DCT: variants seen among roughly 807,000 people sequenced by gnomAD.
DCT encodes dopachrome tautomerase.
Under a neutral mutation model 53.0 loss-of-function variants are expected in DCT, and 47 were observed. The observed-to-expected ratio is 0.89, with a 90% confidence interval of 0.70 to 1.13. DCT has a LOEUF of 1.13. Among genes scored for constraint, DCT ranks in the 50% most tolerant of loss-of-function variants. The pLI is 0.00. For missense variants in DCT, 669 were observed against 637.4 expected (o/e 1.05, Z -0.53); for synonymous variants, 244 against 237.0 (o/e 1.03, Z -0.27).
chr13:94,455,731 C>T (rs1413433033), intron 6 of DCT, among the ~76,000 whole-genome samples: 1 of 152,172 alleles, frequency 6.6e-6, no homozygotes, highest in African/African-American at 2.4e-5. Flanking sequence ...TACGGTTTAG[C>T]AATCCTGGAG....
At chr13:94,512,743 TACAC>T in the DCT span, among the ~76,000 whole-genome samples, 1 of 151,366 alleles carries the variant, frequency 6.6e-6, no homozygotes, top group African/African-American at 2.4e-5. Flanking sequence ...CATATATACA[TACAC>T]ACACACACAC....
Position 94,443,656 on chromosome 13 carries a change from C to A in DCT, c.1180-19G>T, listed in dbSNP as rs757191000. 4 of 1,583,480 alleles carry A rather than the reference C, an allele frequency of 2.5e-6. No homozygotes were observed. The highest frequency in any genetic ancestry group is 3.5e-6 in the Non-Finnish European group (4 of 1,154,066). ...GAAGAACCTGCAAAACAGTTGGACA[C>A]AGCATTTAACATAAATCAGTCTGTT... On this transcript the variant is annotated intron_variant, in intron 6 of 7. Coordinates refer to ENST00000377028, the MANE Select transcript of DCT (RefSeq NM_001922.5).
At chr13:94,492,566 G>A in the DCT span, among the ~76,000 whole-genome samples, 1 of 152,188 alleles carries the variant, frequency 6.6e-6, no homozygotes, top group Non-Finnish European at 1.5e-5. Flanking sequence ...GATAGACCAT[G>A]ACTATTACTT....
chr13:94,445,763 T>C lies in DCT; in HGVS notation c.1180-2126A>G, dbSNP rs1431760057. 4 of 1,575,024 alleles carry C rather than the reference T, an allele frequency of 2.5e-6. No individual in the cohort carries two copies. In the South Asian group the frequency reaches 4.7e-5, roughly 18 times the overall value. On this transcript the variant is annotated intron_variant, in intron 6 of 7. Coordinates refer to ENST00000377028, the MANE Select transcript of DCT (RefSeq NM_001922.5). Reference sequence around the variant, plus strand: ...AGTTCCTTGGTCGCTTTCTCTTTTCTGTTGAGACACAAAATTTAATAGAAA... The same window carrying C: ...AGTTCCTTGGTCGCTTTCTCTTTTCCGTTGAGACACAAAATTTAATAGAAA...
intron 1 of DCT, among the ~76,000 whole-genome samples, chr13:94,469,340 G>A (rs1051223683): frequency 2.0e-5 from 3 of 152,216 alleles, no homozygotes; most frequent in Non-Finnish European, 4.4e-5. Flanking sequence ...TACCTCGTAT[G>A]TGACTATATT....
At chr13:94,523,872 A>AT in the DCT span, among the ~76,000 whole-genome samples, 135 of 149,336 alleles carry the variant, frequency 9.0e-4, no homozygotes, top group Admixed American at 2.5e-3. Flanking sequence ...TGAGGACTCC[A>AT]TTTTTTTTTT....
chr13:94,457,911 C>T (rs1027384035), intron 6 of DCT, among the ~76,000 whole-genome samples: 8 of 152,092 alleles, frequency 5.3e-5, no homozygotes, highest in South Asian at 2.1e-4. Context: ...GCTGGCCTGG[C>T]GCTATCAACG....
the DCT span, among the ~76,000 whole-genome samples, chr13:94,507,108 C>A: frequency 6.6e-6 from 1 of 152,138 alleles, no homozygotes; most frequent in South Asian, 2.1e-4. Context: ...GACACAACTA[C>A]ATGGCATGCC....
the DCT span, among the ~76,000 whole-genome samples, chr13:94,501,726 G>C: frequency 1.3e-5 from 2 of 152,004 alleles, no homozygotes; most frequent in Non-Finnish European, 2.9e-5. Context: ...AAACCTGCGA[G>C]AGTGAGGGAG....
chr13:94,502,033 C>G, the DCT span, among the ~76,000 whole-genome samples: 81 of 91,552 alleles, frequency 8.8e-4, 2 homozygotes, highest in Non-Finnish European at 1.1e-3. Context: ...GCCCCAGCCC[C>G]CACTTCTGAG....
At chr13:94,456,991 G>A (rs933058132) in intron 6 of DCT, among the ~76,000 whole-genome samples, 3 of 152,196 alleles carry the variant, frequency 2.0e-5, no homozygotes, top group East Asian at 1.9e-4. Flanking sequence ...TTAGCCAGGC[G>A]CAGTGGCACG....
At chr13:94,457,427 A>G (rs1308968768) in intron 6 of DCT, among the ~76,000 whole-genome samples, 1 of 152,220 alleles carries the variant, frequency 6.6e-6, no homozygotes, top group Non-Finnish European at 1.5e-5. Context: ...AGTCTTCACC[A>G]GGAACCAAAT....
At chr13:94,547,984 A>AAAAAAAAT in the DCT span, among the ~76,000 whole-genome samples, 242 of 65,814 alleles carry the variant, frequency 3.7e-3, 10 homozygotes, top group African/African-American at 0.026. Context: ...AAAAAAAAAA[A>AAAAAAAAT]ATATATATAT....
At chr13:94,514,233 T>A in the DCT span, among the ~76,000 whole-genome samples, 1 of 151,974 alleles carries the variant, frequency 6.6e-6, no homozygotes, top group East Asian at 1.9e-4. Flanking sequence ...AGATGTGATG[T>A]CGTAACAACA....
chr13:94,546,983 G>A, the DCT span, among the ~76,000 whole-genome samples: 1 of 152,018 alleles, frequency 6.6e-6, no homozygotes. This position sits in a 1 kb window ranked among gnomAD's most constrained non-coding sequence, Gnocchi z 4.2. Context: ...GGAAGAACTA[G>A]GGAAGAAGGG....
the DCT span, among the ~76,000 whole-genome samples, chr13:94,543,778 T>A: frequency 6.6e-6 from 1 of 152,194 alleles, no homozygotes; most frequent in Non-Finnish European, 1.5e-5. Flanking sequence ...CTCACGCCTG[T>A]AATCCCAGCA....
At chr13:94,508,993 T>A in the DCT span, among the ~76,000 whole-genome samples, 1 of 152,130 alleles carries the variant, frequency 6.6e-6, no homozygotes. Context: ...CAGACACTAC[T>A]GAGAGAGGTC....
intron 4 of DCT, among the ~76,000 whole-genome samples, chr13:94,464,524 C>T (rs1173940844): frequency 1.3e-5 from 2 of 152,140 alleles, no homozygotes; most frequent in Non-Finnish European, 2.9e-5. Context: ...CCTGTAATCC[C>T]GGCTACTCAG....
chr13:94,538,023 T>C, the DCT span, among the ~76,000 whole-genome samples: 1 of 152,126 alleles, frequency 6.6e-6, no homozygotes, highest in African/African-American at 2.4e-5. Flanking sequence ...CTTAAGGAGA[T>C]AATAGCAGCC....
Sources: allele counts gnomAD v4.1 joint callset (sites outside exome capture counted in the v4.1 genomes callset), GRCh38; gene constraint gnomAD v4.1.1; non-coding constraint Gnocchi (gnomAD v3.1); transcripts MANE v1.5; gene names NCBI Gene and HGNC (gene_info 2026-07-23, HGNC 2026-07-21).